The following TECRL variants were observed in gnomAD, a reference collection of about 807,000 sequenced individuals.
TECRL encodes trans-2,3-enoyl-CoA reductase-like.
TECRL carries 63 observed loss-of-function variants against 52.8 expected under a neutral mutation model. That is an observed-to-expected ratio of 1.19 (90% confidence interval 0.97 to 1.47). TECRL has a LOEUF of 1.47. Among genes scored for constraint, TECRL ranks in the 40% most tolerant of loss-of-function variants. TECRL has a pLI of 0.00. For synonymous variants in TECRL, 164 were observed against 141.9 expected (o/e 1.16, Z -1.10); for missense variants, 482 against 429.6 (o/e 1.12, Z -1.08).
chr4:64,389,226 C>T (rs987185846), intron 1 of TECRL, among the ~76,000 whole-genome samples: 13 of 151,840 alleles, frequency 8.6e-5, no homozygotes, highest in Non-Finnish European at 1.2e-4. Flanking sequence ...AGTTTTTCAC[C>T]ATTAAAAATG....
chr4:64,284,463 G>A (rs919154257), intron 9 of TECRL, among the ~76,000 whole-genome samples: 7 of 102,466 alleles, frequency 6.8e-5, no homozygotes, highest in East Asian at 3.1e-4. Context: ...AAAAATACAG[G>A]GAATATGGTA....
chr4:64,403,884 A>G (rs1454716991), intron 1 of TECRL, among the ~76,000 whole-genome samples: 3 of 148,004 alleles, frequency 2.0e-5, no homozygotes, highest in Admixed American at 6.8e-5. Flanking sequence ...AAAAAAAAAA[A>G]GATACTGTCA....
chr4:64,400,286 G>A (rs762907597), intron 1 of TECRL, among the ~76,000 whole-genome samples: 9 of 152,160 alleles, frequency 5.9e-5, no homozygotes, highest in Admixed American at 3.3e-4. Context: ...TTTGGAATGG[G>A]AGTGTTTACT....
intron 1 of TECRL, among the ~76,000 whole-genome samples, chr4:64,380,989 G>A (rs903065777): frequency 2.0e-5 from 3 of 151,914 alleles, no homozygotes; most frequent in African/African-American, 7.2e-5. Flanking sequence ...TGGGTGGGGT[G>A]GTGTGGATAT....
At chr4:64,348,081 T>G (rs1370643884) in intron 2 of TECRL, among the ~76,000 whole-genome samples, 1 of 152,172 alleles carries the variant, frequency 6.6e-6, no homozygotes, top group Non-Finnish European at 1.5e-5. Context: ...CGGGTACCAA[T>G]TTACCGTAGT....
chr4:64,313,303 T>C (rs962754885), intron 5 of TECRL, among the ~76,000 whole-genome samples: 3 of 152,152 alleles, frequency 2.0e-5, no homozygotes, highest in African/African-American at 7.2e-5. Context: ...TTCAGGTCTT[T>C]TTTTTTTTCA....
intron 7 of TECRL, among the ~76,000 whole-genome samples, chr4:64,301,574 C>A (rs1284577905): frequency 7.0e-6 from 1 of 142,384 alleles, no homozygotes; most frequent in African/African-American, 2.8e-5. Flanking sequence ...CACATGATAA[C>A]AAACGGAAGT....
intron 2 of TECRL, among the ~76,000 whole-genome samples, chr4:64,355,355 G>A (rs1720690510): frequency 6.6e-6 from 1 of 151,996 alleles, no homozygotes; most frequent in Non-Finnish European, 1.5e-5. Flanking sequence ...ACATGAAGAT[G>A]TTGCTATGGA....
intron 2 of TECRL, among the ~76,000 whole-genome samples, chr4:64,368,693 C>CT (rs201844061): frequency 0.015 from 2,288 of 152,134 alleles, 72 homozygotes; most frequent in African/African-American, 0.052. Context: ...TATTCTGCCA[C>CT]TTTTTTCATT....
At chr4:64,405,715 G>A (rs995264047) in intron 1 of TECRL, among the ~76,000 whole-genome samples, 14 of 152,068 alleles carry the variant, frequency 9.2e-5, no homozygotes, top group African/African-American at 3.4e-4. Flanking sequence ...TATTGTAGAG[G>A]AGGAGAAGTT....
At chr4:64,319,637 A>G (rs1717756778) in intron 4 of TECRL, among the ~76,000 whole-genome samples, 1 of 151,880 alleles carries the variant, frequency 6.6e-6, no homozygotes, top group Non-Finnish European at 1.5e-5. Flanking sequence ...AAGTTCATAC[A>G]AATACCCCTA....
At chr4:64,359,985 C>A (rs769592896) in intron 2 of TECRL, among the ~76,000 whole-genome samples, 3 of 152,000 alleles carry the variant, frequency 2.0e-5, no homozygotes, top group Non-Finnish European at 4.4e-5. Context: ...CTTAAAAGAC[C>A]TTTTAGTGAA....
At chr4:64,280,436 T>C (rs1045379809) in intron 11 of TECRL, among the ~76,000 whole-genome samples, 1 of 152,114 alleles carries the variant, frequency 6.6e-6, no homozygotes, top group Non-Finnish European at 1.5e-5. Context: ...TATATACCAC[T>C]GCCACAAAAT....
At chr4:64,358,626 T>C (rs950990918) in intron 2 of TECRL, among the ~76,000 whole-genome samples, 5 of 151,702 alleles carry the variant, frequency 3.3e-5, no homozygotes, top group Non-Finnish European at 7.4e-5. Flanking sequence ...AAGTATCTGG[T>C]ATATATATCT....
intron 8 of TECRL, among the ~76,000 whole-genome samples, chr4:64,295,574 A>G (rs1308345297): frequency 6.6e-6 from 1 of 151,620 alleles, no homozygotes; most frequent in East Asian, 1.9e-4. Context: ...ATAGCACCAT[A>G]AAGTGAATAT....
chr4:64,348,383 C>A (rs937336658), intron 2 of TECRL, among the ~76,000 whole-genome samples: 1 of 152,156 alleles, frequency 6.6e-6, no homozygotes. Context: ...TATCACCTCC[C>A]GCCCTCAACA....
chr4:64,382,191 G>GTA (rs200934355), intron 1 of TECRL, among the ~76,000 whole-genome samples: 662 of 13,030 alleles, frequency 0.051, 7 homozygotes, highest in African/African-American at 0.06. Flanking sequence ...GGAAATTTCT[G>GTA]TATATATATA....
chr4:64,316,992 T>C (rs1717539486), intron 4 of TECRL, among the ~76,000 whole-genome samples: 1 of 152,130 alleles, frequency 6.6e-6, no homozygotes, highest in Non-Finnish European at 1.5e-5. Context: ...AAAAAGGTAA[T>C]AATCGGCCAG....
intron 2 of TECRL, among the ~76,000 whole-genome samples, chr4:64,361,331 T>A (rs7678517): frequency 1.3e-5 from 2 of 152,056 alleles, no homozygotes. Flanking sequence ...GAACCTGTCA[T>A]CATCCCACCA....
Sources: gnomAD v4.1 joint callset for allele counts (sites outside exome capture counted in the v4.1 genomes callset) on GRCh38, gnomAD v4.1.1 for gene constraint, MANE v1.5 for transcripts, NCBI Gene and HGNC (gene_info 2026-07-23, HGNC 2026-07-21) for gene names.